PPP3CC: variants seen among roughly 807,000 people sequenced by gnomAD.
PPP3CC encodes the protein serine/threonine-protein phosphatase 2B catalytic subunit gamma isoform.
A neutral mutation model predicts 60.3 loss-of-function variants in PPP3CC; 35 were observed. That is an observed-to-expected ratio of 0.58 (90% CI 0.44 to 0.77). The LOEUF is 0.77. Ranked by LOEUF, PPP3CC falls within the 30% of genes least tolerant of loss-of-function variation. The pLI is 0.00. For missense variants in PPP3CC, 570 were observed against 628.9 expected (o/e 0.91, Z 1.00); for synonymous variants, 206 against 224.3 (o/e 0.92, Z 0.73).
chr8:22,453,026 T>A (rs1307033168), intron 1 of PPP3CC, among the ~76,000 whole-genome samples: 1 of 152,220 alleles, frequency 6.6e-6, no homozygotes, highest in Non-Finnish European at 1.5e-5. Flanking sequence ...CATAAGAAGC[T>A]TATTTTATGG....
intron 1 of PPP3CC, 100 bp downstream of exon 1, chr8:22,441,558 C>A: frequency 7.6e-7 from 1 of 1,313,372 alleles, no homozygotes; most frequent in Non-Finnish European, 1.0e-6. Flanking sequence ...GCTGCGCCCA[C>A]CCTAGGAGGG....
At chr8:22,493,077 G>A (rs1447905918) in intron 3 of PPP3CC, 2 of 1,539,418 alleles carry the variant, frequency 1.3e-6, no homozygotes, top group South Asian at 1.1e-5. Flanking sequence ...TTCCAAGATG[G>A]AGAATTTTGA....
chr8:22,472,137 AT>A (rs559395251), intron 1 of PPP3CC, among the ~76,000 whole-genome samples: 3 of 151,570 alleles, frequency 2.0e-5, no homozygotes, highest in African/African-American at 2.4e-5. Flanking sequence ...TCAAAAACAA[AT>A]TTTTTTTCTT....
At chr8:22,470,055 T>C (rs1837671634) in intron 1 of PPP3CC, among the ~76,000 whole-genome samples, 2 of 145,830 alleles carry the variant, frequency 1.4e-5, no homozygotes, top group Non-Finnish European at 3.0e-5. Context: ...GTGATATATA[T>C]ATATACACAC....
At chr8:22,483,274 A>T (rs961257646) in intron 3 of PPP3CC, among the ~76,000 whole-genome samples, 1 of 151,916 alleles carries the variant, frequency 6.6e-6, no homozygotes, top group Non-Finnish European at 1.5e-5. Context: ...TTATTTTTTT[A>T]TTTTTCAATT....
At chr8:22,514,866 TG>T (rs1839200678) in intron 6 of PPP3CC, among the ~76,000 whole-genome samples, 1 of 152,008 alleles carries the variant, frequency 6.6e-6, no homozygotes, top group South Asian at 2.1e-4. Flanking sequence ...TTTTTAGAGA[TG>T]GGGTTTCACC....
At chr8:22,495,814 C>T (rs971142002) in intron 3 of PPP3CC, among the ~76,000 whole-genome samples, 3 of 152,146 alleles carry the variant, frequency 2.0e-5, no homozygotes, top group African/African-American at 4.8e-5. Flanking sequence ...CTGCCTCTGC[C>T]TCCCAAAGTG....
chr8:22,507,330 C>T (rs1418873134), intron 4 of PPP3CC, among the ~76,000 whole-genome samples: 1 of 152,008 alleles, frequency 6.6e-6, no homozygotes, highest in East Asian at 1.9e-4. Context: ...ATGCATTTTC[C>T]CTTCACTATA....
chr8:22,522,405 C>A, intron 6 of PPP3CC, 86 bp from the exon 7 acceptor site: 1 of 1,017,206 alleles, frequency 9.8e-7, no homozygotes, highest in Non-Finnish European at 1.4e-6. Flanking sequence ...ACAAAATCAG[C>A]TAATATCACC....
chr8:22,456,870 A>C (rs1837209650), intron 1 of PPP3CC, among the ~76,000 whole-genome samples: 1 of 152,196 alleles, frequency 6.6e-6, no homozygotes, highest in Non-Finnish European at 1.5e-5. Flanking sequence ...ATAATTTTTA[A>C]TGAAATACAG....
chr8:22,481,826 G>T (rs1041665377), intron 3 of PPP3CC, among the ~76,000 whole-genome samples: 17 of 151,952 alleles, frequency 1.1e-4, no homozygotes, highest in African/African-American at 4.1e-4. Context: ...GAGAGTGATG[G>T]TTTCCAGCTT....
chr8:22,457,430 G>A (rs1837236336), intron 1 of PPP3CC, among the ~76,000 whole-genome samples: 1 of 151,910 alleles, frequency 6.6e-6, no homozygotes, highest in Admixed American at 6.6e-5. Flanking sequence ...AGCCTCTGGA[G>A]TAGCTGGGAC....
At chr8:22,495,924 T>G (rs142096897) in intron 3 of PPP3CC, among the ~76,000 whole-genome samples, 9 of 152,294 alleles carry the variant, frequency 5.9e-5, no homozygotes, top group Non-Finnish European at 1.3e-4. Context: ...TTTTTAGTCA[T>G]TAGTTACACA....
intron 1 of PPP3CC, among the ~76,000 whole-genome samples, chr8:22,458,592 C>T (rs1350154726): frequency 2.7e-5 from 4 of 147,602 alleles, no homozygotes; most frequent in African/African-American, 1.0e-4. Flanking sequence ...AGCGAGACAC[C>T]GTCTCAAAAA....
At chr8:22,474,548 G>A (rs1381943409) in intron 1 of PPP3CC, among the ~76,000 whole-genome samples, 1 of 151,860 alleles carries the variant, frequency 6.6e-6, no homozygotes, top group Non-Finnish European at 1.5e-5. Flanking sequence ...TACTAAAAAT[G>A]CAAAAATTAG....
intron 4 of PPP3CC, among the ~76,000 whole-genome samples, chr8:22,499,958 T>C (rs1838714876): frequency 6.6e-6 from 1 of 152,222 alleles, no homozygotes; most frequent in Non-Finnish European, 1.5e-5. Context: ...GGGGTGTGTT[T>C]TGTTCACTGT....
chr8:22,459,493 A>C (rs1837305012), intron 1 of PPP3CC, among the ~76,000 whole-genome samples: 2 of 152,002 alleles, frequency 1.3e-5, no homozygotes, highest in African/African-American at 4.8e-5. Context: ...AGATAAACTT[A>C]TAGGTGGTTT....
At chr8:22,484,709 C>T (rs774758943) in intron 3 of PPP3CC, among the ~76,000 whole-genome samples, 4 of 152,126 alleles carry the variant, frequency 2.6e-5, no homozygotes, top group Non-Finnish European at 5.9e-5. Context: ...TGTTGCCATT[C>T]CTTTTACTGT....
chr8:22,520,752 CTTT>C (rs1488187814), intron 6 of PPP3CC, among the ~76,000 whole-genome samples: 2 of 152,126 alleles, frequency 1.3e-5, no homozygotes, highest in Non-Finnish European at 2.9e-5. Flanking sequence ...CATTGAGCTT[CTTT>C]AAGATGATTA....
Sources: gnomAD v4.1 joint callset for allele counts (sites outside exome capture counted in the v4.1 genomes callset) on GRCh38, gnomAD v4.1.1 for gene constraint, MANE v1.5 for transcripts, NCBI Gene and HGNC (gene_info 2026-07-23, HGNC 2026-07-21) for gene names.